HS3ST4: variants seen among roughly 807,000 people sequenced by gnomAD.
The protein encoded by HS3ST4 is heparan sulfate-glucosamine 3-sulfotransferase 4.
HS3ST4 carries 17 observed loss-of-function variants against 29.2 expected under a neutral mutation model. That is an observed-to-expected ratio of 0.58 (90% CI 0.40 to 0.87). The LOEUF (loss-of-function observed/expected upper bound fraction) is 0.87. HS3ST4 is among the 40% of genes least tolerant of loss of function. The pLI is 0.00. For synonymous variants in HS3ST4, 314 were observed against 285.7 expected (o/e 1.10, Z -1.00); for missense variants, 627 against 634.5 (o/e 0.99, Z 0.13).
intron 1 of HS3ST4, among the ~76,000 whole-genome samples, chr16:25,990,202 T>G (rs571637936): frequency 9.8e-5 from 15 of 152,346 alleles, no homozygotes; most frequent in African/African-American, 3.6e-4. Context: ...AATTAGTGCT[T>G]TAGCTGCTAT....
chr16:26,090,078 C>T (rs796551841), intron 1 of HS3ST4, among the ~76,000 whole-genome samples: 7 of 152,296 alleles, frequency 4.6e-5, no homozygotes, highest in African/African-American at 1.4e-4. Context: ...GTATCAGACA[C>T]ATTACAGGTA....
intron 1 of HS3ST4, among the ~76,000 whole-genome samples, chr16:26,090,905 C>T (rs1898849573): frequency 6.6e-6 from 1 of 152,138 alleles, no homozygotes; most frequent in Admixed American, 6.5e-5. Context: ...TGCCTGACTC[C>T]TTGGTCACAG....
rs1451449434 is a variant in HS3ST4 at position 25,800,765 on chromosome 16, C to T, written c.734+107614C>T. Among the ~76,000 whole-genome samples the T allele has an allele frequency of 2.6e-5, 4 of 152,006 alleles. No homozygotes were observed. The East Asian group carries it at 7.7e-4, about 29-fold the overall frequency. On this transcript the variant is annotated intron_variant, in intron 1 of 1. Coordinates refer to ENST00000331351, the MANE Select transcript of HS3ST4 (RefSeq NM_006040.3). ...TTAGGAGGTGATTAAGTGATGAGGG[C>T]AGAGCCCTCATGAATGGTATTAGTG...
At chr16:25,776,686 G>T (rs540853148) in intron 1 of HS3ST4, among the ~76,000 whole-genome samples, 1 of 152,164 alleles carries the variant, frequency 6.6e-6, no homozygotes, top group African/African-American at 2.4e-5. Context: ...ATCAGATACC[G>T]TGGTCAGTGT....
At chr16:26,119,101 A>G (rs531648548) in intron 1 of HS3ST4, among the ~76,000 whole-genome samples, 1 of 152,352 alleles carries the variant, frequency 6.6e-6, no homozygotes, top group African/African-American at 2.4e-5. Flanking sequence ...AGGGAGGTTA[A>G]GTAATGTCCC....
At chr16:26,025,465 C>G (rs1185660821) in intron 1 of HS3ST4, among the ~76,000 whole-genome samples, 1 of 152,144 alleles carries the variant, frequency 6.6e-6, no homozygotes. Context: ...GATCTACAGG[C>G]CACAAAAGCC....
rs1966258766 is a variant in HS3ST4, at chr16:25,692,435, A to G, written c.18A>G (p.Ala6=). 8.7e-7 allele frequency: 1 copy of G among 1,153,610 alleles called. No individual in the cohort carries two copies. The allele number at this position is 1,153,610 out of a possible 1,614,324, so 71.5% of individuals were successfully genotyped here. ...GAGCCGCGATGGCCCGGTGGCCCGC[A>G]CCTCCTCCGCCTCCGCCTCCGCCTC... MARWP[A]PPPPPPPPPP... The change falls in exon 1 of 2, where the codon GCA becomes GCG. Residue 6 remains alanine, a synonymous_variant. Transcript: ENST00000331351.
chr16:26,061,936 G>A lies in HS3ST4; in HGVS notation c.735-73676G>A, dbSNP rs189046239. On this transcript the variant is annotated intron_variant, in intron 1 of 1. Coordinates refer to ENST00000331351, the MANE Select transcript of HS3ST4 (RefSeq NM_006040.3). ...ATTTTCTCCTTCTGGCTCCTATAAA[G>A]GTCAAAATTCACCCTAGTTGGACTG... 5.3e-5 allele frequency among the ~76,000 whole-genome samples: 8 copies of A among 152,208 alleles called. 1 individual carries two copies. The highest frequency in any genetic ancestry group is 4.6e-4 in the Admixed American group (7 of 15,286).
intron 1 of HS3ST4, among the ~76,000 whole-genome samples, chr16:25,892,195 T>A (rs117904451): frequency 0.017 from 2,571 of 152,204 alleles, 28 homozygotes; most frequent in Non-Finnish European, 0.026. Context: ...AGATGATGAG[T>A]TGCTTCTCTT....
intron 1 of HS3ST4, among the ~76,000 whole-genome samples, chr16:25,813,669 C>T (rs1967064761): frequency 6.6e-6 from 1 of 152,114 alleles, no homozygotes; most frequent in African/African-American, 2.4e-5. Flanking sequence ...GAGAACTGTT[C>T]ATTAATTTCC....
chr16:25,855,453 A>C (rs1445708880), intron 1 of HS3ST4, among the ~76,000 whole-genome samples: 3 of 152,224 alleles, frequency 2.0e-5, no homozygotes, highest in Non-Finnish European at 2.9e-5. Flanking sequence ...ATTTCAAAAT[A>C]TGTCAAAGAA....
At chr16:25,883,392 A>C (rs995761063) in intron 1 of HS3ST4, among the ~76,000 whole-genome samples, 749 of 70,012 alleles carry the variant, frequency 0.011, 6 homozygotes, top group African/African-American at 0.033. Flanking sequence ...AAAACAACAA[A>C]AAAAATACCC....
At chr16:26,085,877 A>AAATAAT (rs57927146) in intron 1 of HS3ST4, among the ~76,000 whole-genome samples, 2,468 of 146,900 alleles carry the variant, frequency 0.017, 55 homozygotes, top group African/African-American at 0.044. Flanking sequence ...CTGTCTCTTA[A>AAATAAT]AATAATAATA....
At chr16:25,916,033 T>A (rs1231112367) in intron 1 of HS3ST4, among the ~76,000 whole-genome samples, 2 of 152,230 alleles carry the variant, frequency 1.3e-5, no homozygotes, top group African/African-American at 2.4e-5. Context: ...CCTTACTTGC[T>A]TCAGACATGG....
chr16:26,079,935 A>G (rs1475028004), intron 1 of HS3ST4, among the ~76,000 whole-genome samples: 3 of 152,228 alleles, frequency 2.0e-5, no homozygotes, highest in Admixed American at 6.5e-5. Flanking sequence ...GCCAATATTC[A>G]TGATCTCATT....
intron 1 of HS3ST4, among the ~76,000 whole-genome samples, chr16:26,124,614 T>C (rs567385613): frequency 6.6e-6 from 1 of 152,276 alleles, no homozygotes; most frequent in South Asian, 2.1e-4. Flanking sequence ...TCATGAGGTA[T>C]TCAGACATGC....
At chr16:26,120,236 C>T (rs1479509153) in intron 1 of HS3ST4, among the ~76,000 whole-genome samples, 1 of 152,058 alleles carries the variant, frequency 6.6e-6, no homozygotes, top group Admixed American at 6.6e-5. Context: ...ATCATTTCTC[C>T]CTCTGTTATA....
intron 1 of HS3ST4, among the ~76,000 whole-genome samples, chr16:25,904,547 C>T (rs1364663781): frequency 6.6e-6 from 1 of 152,200 alleles, no homozygotes; most frequent in Non-Finnish European, 1.5e-5. Flanking sequence ...GGCACTTTCA[C>T]TGGCTTGTGG....
At chr16:26,079,151 A>T (rs1458738847) in intron 1 of HS3ST4, among the ~76,000 whole-genome samples, 1 of 152,218 alleles carries the variant, frequency 6.6e-6, no homozygotes, top group Non-Finnish European at 1.5e-5. Context: ...GCAGGCAGAT[A>T]TAGTTTACAA....
Sources: gnomAD v4.1 joint callset for allele counts (sites outside exome capture counted in the v4.1 genomes callset) on GRCh38, gnomAD v4.1.1 for gene constraint, MANE v1.5 for transcripts, NCBI Gene and HGNC (gene_info 2026-07-23, HGNC 2026-07-21) for gene names.